The following PLXDC2 variants were observed in gnomAD, a reference collection of about 807,000 sequenced individuals.
The protein encoded by PLXDC2 is plexin domain-containing protein 2.
In PLXDC2, 40 loss-of-function variants were observed where a neutral mutation model predicts 68.9. That is an observed-to-expected ratio of 0.58 (90% CI 0.45 to 0.76). The LOEUF (loss-of-function observed/expected upper bound fraction) is 0.76, where lower values mean the gene tolerates loss of function less well. Among genes scored for constraint, PLXDC2 ranks in the 30% least tolerant of loss-of-function variants. The probability of loss-of-function intolerance (pLI) is 0.00; values close to 1 mark genes in which losing one functional copy is unlikely to be tolerated. For missense variants in PLXDC2, 644 were observed against 661.9 expected, an observed-to-expected ratio of 0.97 and a Z score of 0.30; for synonymous variants, 243 against 234.2, an observed-to-expected ratio of 1.04 and a Z score of -0.34.
At chr10:20,025,119 G>A (rs1193882612) in intron 2 of PLXDC2, among the ~76,000 whole-genome samples, 1 of 152,110 alleles carries the variant, frequency 6.6e-6, no homozygotes, top group Non-Finnish European at 1.5e-5. Context: ...TGGTAATTCT[G>A]TTGCAAGTTG....
chr10:19,976,279 T>A (rs1052201931), intron 1 of PLXDC2, among the ~76,000 whole-genome samples: 1 of 152,106 alleles, frequency 6.6e-6, no homozygotes, highest in Non-Finnish European at 1.5e-5. Flanking sequence ...AGTGGTGCGA[T>A]CTTGGCTCAC....
intron 9 of PLXDC2, among the ~76,000 whole-genome samples, chr10:20,201,475 C>T (rs1015802225): frequency 6.6e-6 from 1 of 151,664 alleles, no homozygotes; most frequent in Non-Finnish European, 1.5e-5. Context: ...TTCTAATGTT[C>T]TATTTTATAT....
At chr10:19,955,509 G>T (rs1256694926) in intron 1 of PLXDC2, among the ~76,000 whole-genome samples, 1 of 152,062 alleles carries the variant, frequency 6.6e-6, no homozygotes, top group African/African-American at 2.4e-5. Context: ...ATGGTCCCAG[G>T]TCCAAGGGCT....
At chr10:20,110,744 T>C (rs753358216) in intron 4 of PLXDC2, among the ~76,000 whole-genome samples, 28 of 152,188 alleles carry the variant, frequency 1.8e-4, no homozygotes, top group Non-Finnish European at 3.2e-4. Context: ...CTCCTAACCC[T>C]TGCTCTCTAG....
intron 2 of PLXDC2, among the ~76,000 whole-genome samples, chr10:20,041,744 G>A (rs1426292981): frequency 6.6e-6 from 1 of 152,118 alleles, no homozygotes; most frequent in Admixed American, 6.6e-5. Flanking sequence ...AGTTCTGGCA[G>A]GTAGAGGTCT....
chr10:20,091,145 G>C (rs888992196), intron 4 of PLXDC2, among the ~76,000 whole-genome samples: 1 of 152,184 alleles, frequency 6.6e-6, no homozygotes, highest in African/African-American at 2.4e-5. Context: ...CCACCAGCAT[G>C]TTTGGGCATC....
At chr10:20,102,303 A>G (rs1833434318) in intron 4 of PLXDC2, among the ~76,000 whole-genome samples, 1 of 152,226 alleles carries the variant, frequency 6.6e-6, no homozygotes, top group Non-Finnish European at 1.5e-5. Flanking sequence ...TTTGATTTAG[A>G]TAACTCGGTG....
At chr10:20,162,512 A>G (rs1834316827) in intron 6 of PLXDC2, among the ~76,000 whole-genome samples, 1 of 152,160 alleles carries the variant, frequency 6.6e-6, no homozygotes, top group Non-Finnish European at 1.5e-5. Context: ...GCATTAATAG[A>G]TGCTTGCTTC....
intron 9 of PLXDC2, among the ~76,000 whole-genome samples, chr10:20,185,164 A>C (rs1441043161): frequency 1.4e-5 from 2 of 147,654 alleles, no homozygotes; most frequent in Non-Finnish European, 3.0e-5. Flanking sequence ...TGAAAGGAAA[A>C]AAAAAAAAAA....
At chr10:20,221,188 G>T (rs1240486111) in intron 12 of PLXDC2, among the ~76,000 whole-genome samples, 2 of 151,938 alleles carry the variant, frequency 1.3e-5, no homozygotes, top group Non-Finnish European at 2.9e-5. Context: ...ATGTTTTATG[G>T]AATATACTTT....
rs542230023 is a variant in PLXDC2, at chr10:19,895,712, T to C, written c.112+78521T>C. 5.9e-4 allele frequency among the ~76,000 whole-genome samples: 90 copies of C among 152,218 alleles called. 1 individual carries two copies. Among genetic ancestry groups the C allele is most frequent in the African/African-American group, 2.0e-3 (85 of 41,546 alleles). The stretch of plus-strand genomic sequence containing the variant: ...CTGAAATTCCCTTTTGTCAGGCCCC[T>C]GAAGGAAGCTTTCCAGCCACCATGT... On this transcript the variant is annotated intron_variant, in intron 1 of 13. Transcript: ENST00000377252.
At chr10:20,021,785 G>T (rs1056807603) in intron 2 of PLXDC2, among the ~76,000 whole-genome samples, 1 of 151,706 alleles carries the variant, frequency 6.6e-6, no homozygotes, top group African/African-American at 2.4e-5. Flanking sequence ...TGCAACCTCC[G>T]CCTCCCTGGT....
chr10:20,002,331 C>G (rs999258495), intron 2 of PLXDC2, among the ~76,000 whole-genome samples: 2 of 151,236 alleles, frequency 1.3e-5, no homozygotes, highest in Non-Finnish European at 2.9e-5. Context: ...ACAATCTCAG[C>G]TCACTGCAAC....
chr10:20,109,770 C>A (rs927252069), intron 4 of PLXDC2, among the ~76,000 whole-genome samples: 3 of 152,140 alleles, frequency 2.0e-5, no homozygotes, highest in African/African-American at 4.8e-5. Context: ...CTTAACTATT[C>A]AATTAACTTC....
intron 4 of PLXDC2, among the ~76,000 whole-genome samples, chr10:20,128,084 A>G (rs1292795785): frequency 1.3e-5 from 2 of 152,152 alleles, no homozygotes; most frequent in African/African-American, 2.4e-5. Flanking sequence ...ACTGTCTTCT[A>G]GAAAGGCTGC....
chr10:19,837,155 G>A (rs1422553736), intron 1 of PLXDC2, among the ~76,000 whole-genome samples: 2 of 151,150 alleles, frequency 1.3e-5, no homozygotes. Flanking sequence ...GGACTAAAAG[G>A]GCTGATTGTA....
chr10:19,983,877 T>C (rs1389390011), intron 1 of PLXDC2, among the ~76,000 whole-genome samples: 1 of 152,158 alleles, frequency 6.6e-6, no homozygotes, highest in Non-Finnish European at 1.5e-5. Context: ...GTCCTGGGCA[T>C]GTGGGAGCTT....
intron 12 of PLXDC2, among the ~76,000 whole-genome samples, chr10:20,238,691 ATACACACATATATATGTG>A (rs1295528868): frequency 8.4e-5 from 11 of 130,586 alleles, no homozygotes; most frequent in African/African-American, 3.2e-4. Flanking sequence ...ATATATATAT[ATACACACATATATATGTG>A]TATATATACA....
intron 4 of PLXDC2, among the ~76,000 whole-genome samples, chr10:20,081,408 GA>G (rs35791959): frequency 1.4e-5 from 2 of 141,546 alleles, no homozygotes; most frequent in Non-Finnish European, 3.0e-5. Context: ...GAAATGCAAA[GA>G]AAAAAAATGA....
Sources: gnomAD v4.1 joint callset for allele counts (sites outside exome capture counted in the v4.1 genomes callset) on GRCh38, gnomAD v4.1.1 for gene constraint, MANE v1.5 for transcripts, NCBI Gene and HGNC (gene_info 2026-07-23, HGNC 2026-07-21) for gene names.